The following LRP1B variants were observed in gnomAD, a reference collection of about 807,000 sequenced individuals.
LRP1B encodes the protein LDL receptor related protein 1B, also known as low-density lipoprotein receptor-related protein 1B.
A neutral mutation model predicts 556.6 loss-of-function variants in LRP1B; 217 were observed. The ratio of observed to expected loss-of-function variants is 0.39; its 90% CI spans 0.35 to 0.44. The LOEUF is 0.44. Ranked by LOEUF, LRP1B falls within the 20% of genes least tolerant of loss-of-function variation. The pLI is 1.00. For synonymous variants in LRP1B, 2,047 were observed against 1,865.8 expected (o/e 1.10, Z -2.50); for missense variants, 5,053 against 5,620.8 (o/e 0.90, Z 3.23).
intron 87 of LRP1B, among the ~76,000 whole-genome samples, chr2:140,242,585 A>T (rs888420165): frequency 3.3e-5 from 5 of 151,188 alleles, no homozygotes; most frequent in African/African-American, 1.2e-4. Context: ...AAATGGGTTC[A>T]TTCACTATAG....
At chr2:140,762,504 A>G (rs1355881682) in intron 35 of LRP1B, among the ~76,000 whole-genome samples, 1 of 151,892 alleles carries the variant, frequency 6.6e-6, no homozygotes, top group African/African-American at 2.4e-5. Context: ...TCCTCTTCCA[A>G]CCCCTCAGTT....
intron 50 of LRP1B, among the ~76,000 whole-genome samples, chr2:140,515,457 A>T (rs934931072): frequency 6.6e-6 from 1 of 151,854 alleles, no homozygotes; most frequent in African/African-American, 2.4e-5. Flanking sequence ...GCTCTCCTCC[A>T]TTCCCAGCCT....
intron 2 of LRP1B, among the ~76,000 whole-genome samples, chr2:141,641,347 C>T (rs192023259): frequency 5.3e-4 from 81 of 151,898 alleles, no homozygotes; most frequent in African/African-American, 1.9e-3. Context: ...TCCAGTTGTC[C>T]CCAACATTGA....
chr2:140,766,855 T>TA (rs1303911247), intron 35 of LRP1B, among the ~76,000 whole-genome samples: 724 of 52,372 alleles, frequency 0.014, 12 homozygotes, highest in African/African-American at 0.029. Flanking sequence ...TATATATATA[T>TA]ATATATATAT....
At chr2:140,507,506 C>A (rs953238778) in intron 52 of LRP1B, among the ~76,000 whole-genome samples, 6 of 151,924 alleles carry the variant, frequency 3.9e-5, no homozygotes, top group African/African-American at 1.5e-4. Context: ...TCCGTAAGTA[C>A]CACACAAATG....
At chr2:142,040,504 ATTC>A (rs1386636296) in intron 1 of LRP1B, among the ~76,000 whole-genome samples, 14 of 151,398 alleles carry the variant, frequency 9.2e-5, no homozygotes, top group Middle Eastern at 6.8e-3. Flanking sequence ...TTGGAGACTT[ATTC>A]TTCTTGATAA....
chr2:140,951,847 A>G lies in LRP1B; in HGVS notation c.2968+13T>C. The G allele has an allele frequency of 6.2e-7, 1 of 1,605,284 alleles. No individual in the cohort carries two copies. The highest frequency in any genetic ancestry group is 1.1e-5 in the South Asian group (1 of 90,892). Reference sequence around the variant, plus strand: ...ATCAAATTAGTGCTATACAGTGAGCATTTGGTACTTGCCAGAGTCGCAGTG... The same window carrying G: ...ATCAAATTAGTGCTATACAGTGAGCGTTTGGTACTTGCCAGAGTCGCAGTG... On this transcript the variant is annotated intron_variant, in intron 19 of 90. Coordinates refer to ENST00000389484, the MANE Select transcript of LRP1B (RefSeq NM_018557.3).
intron 3 of LRP1B, among the ~76,000 whole-genome samples, chr2:141,312,637 A>AT (rs1167566769): frequency 4.0e-5 from 6 of 151,882 alleles, no homozygotes; most frequent in Admixed American, 6.6e-5. Context: ...ATTAGTAAGT[A>AT]TTTTTCTGAA....
intron 11 of LRP1B, among the ~76,000 whole-genome samples, chr2:141,026,527 T>A (rs1325771818): frequency 3.3e-5 from 5 of 152,058 alleles, no homozygotes; most frequent in Admixed American, 1.3e-4. Flanking sequence ...ATAGAACAAA[T>A]GTGTTATCTC....
At chr2:140,470,470 C>T (rs1687716186) in intron 60 of LRP1B, among the ~76,000 whole-genome samples, 1 of 151,526 alleles carries the variant, frequency 6.6e-6, no homozygotes, top group Non-Finnish European at 1.5e-5. Context: ...ACGGTGAAAC[C>T]CCGTCTCTCC....
At chr2:140,271,719 A>G (rs2129482) in intron 85 of LRP1B, among the ~76,000 whole-genome samples, 142,695 of 151,828 alleles carry the variant, frequency 0.94, 67,590 homozygotes, top group Middle Eastern at 1. Context: ...ATAGAGAAGG[A>G]GTGGGTGGTC....
rs772079582 is a variant in LRP1B, at chr2:140,458,553, T to C, written c.9626-902A>G. The stretch of plus-strand genomic sequence containing the variant: ...GAAAATTCCCTAACTTATAAAAACG[T>C]ACTATTTCTCTGTACTAATTTTGAG... On this transcript the variant is annotated intron_variant, in intron 60 of 90. Coordinates refer to ENST00000389484, the MANE Select transcript of LRP1B (RefSeq NM_018557.3). Among the ~76,000 whole-genome samples the C allele has an allele frequency of 2.4e-4, 37 of 152,156 alleles. 1 individual carries two copies. Among genetic ancestry groups the C allele is most frequent in the Non-Finnish European group, 8.8e-5 (6 of 68,002 alleles).
chr2:140,327,305 A>G (rs550101210), intron 79 of LRP1B, among the ~76,000 whole-genome samples: 43 of 152,276 alleles, frequency 2.8e-4, no homozygotes, highest in African/African-American at 9.9e-4. Context: ...TTCTTCAGTT[A>G]AATACAAATA....
At chr2:141,982,897 T>A (rs149027321) in intron 1 of LRP1B, among the ~76,000 whole-genome samples, 1 of 152,344 alleles carries the variant, frequency 6.6e-6, no homozygotes, top group East Asian at 1.9e-4. Flanking sequence ...CTAAACAAGC[T>A]TTACATTTCA....
At chr2:141,879,645 G>C (rs1698886427) in intron 1 of LRP1B, among the ~76,000 whole-genome samples, 3 of 46,392 alleles carry the variant, frequency 6.5e-5, no homozygotes, top group Admixed American at 2.3e-4. Flanking sequence ...CCTACACCTA[G>C]GAAGGCCATG....
chr2:141,169,800 CAAA>C (rs574461113), intron 7 of LRP1B, among the ~76,000 whole-genome samples: 6 of 87,384 alleles, frequency 6.9e-5, no homozygotes, highest in Non-Finnish European at 9.6e-5. Flanking sequence ...ACACCTTAAC[CAAA>C]AAAAAAAAAA....
chr2:140,320,775 G>T (rs1401872471), intron 82 of LRP1B, among the ~76,000 whole-genome samples: 2 of 152,028 alleles, frequency 1.3e-5, no homozygotes, highest in African/African-American at 4.8e-5. Context: ...ATGTGTGGGG[G>T]TTCATGCCTG....
At chr2:141,225,427 G>A (rs187591794) in intron 6 of LRP1B, among the ~76,000 whole-genome samples, 9 of 152,158 alleles carry the variant, frequency 5.9e-5, no homozygotes, top group African/African-American at 1.2e-4. Flanking sequence ...ACTTTGTCCC[G>A]AGGAAACAGA....
chr2:141,929,780 TGTTTGTTCCACAAATACTG>T (rs1183607917), intron 1 of LRP1B, among the ~76,000 whole-genome samples: 6 of 152,000 alleles, frequency 3.9e-5, no homozygotes, highest in Non-Finnish European at 7.4e-5. Flanking sequence ...ACATTCCTTT[TGTTTGTTCCACAAATACTG>T]GTGTTTGCAT....
Sources: allele counts gnomAD v4.1 joint callset (sites outside exome capture counted in the v4.1 genomes callset), GRCh38; gene constraint gnomAD v4.1.1; transcripts MANE v1.5; gene names NCBI Gene and HGNC (gene_info 2026-07-23, HGNC 2026-07-21).